Variants in TRIM72 observed in about 807,000 individuals in gnomAD.
TRIM72 encodes tripartite motif-containing protein 72.
Under a neutral mutation model 31.6 loss-of-function variants are expected in TRIM72, and 33 were observed. The ratio of observed to expected loss-of-function variants is 1.04; its 90% confidence interval spans 0.79 to 1.40. TRIM72 has a LOEUF of 1.40. TRIM72 is among the 40% of genes most tolerant of loss of function. TRIM72 has a pLI of 0.00. For synonymous variants in TRIM72, 301 were observed against 314.4 expected (o/e 0.96, Z 0.45); for missense variants, 666 against 682.7 (o/e 0.98, Z 0.27).
At position 31,226,708 on chromosome 16, in the gene TRIM72, C is replaced by A. The variant is rs1179866611; in HGVS notation, c.*1953C>A. On this transcript the variant is annotated 3_prime_UTR_variant, in exon 7 of 7. Transcript: ENST00000322122. ...CCTTCTTTGGTTTTAGCGCACAGGG[C>A]ATTTCTTGGGCTCTGGAGTAACCAC... 6.6e-6 allele frequency: 1 copy of A among 152,268 alleles called. No individual in the cohort carries two copies. Among genetic ancestry groups the A allele is most frequent in the Non-Finnish European group, 1.5e-5 (1 of 68,108 alleles). The allele number at this position is 152,268 out of a possible 1,614,324, so 9.4% of individuals were successfully genotyped here. A position where few individuals can be genotyped will look rare whatever the true frequency, so the allele number is the denominator to read the frequency against.
chr16:31,224,204 C>A lies in TRIM72; in HGVS notation c.883C>A (p.Pro295Thr), dbSNP rs534421116. 3 of 1,603,592 alleles carry A rather than the reference C, an allele frequency of 1.9e-6. No homozygotes were observed. Among genetic ancestry groups the A allele is most frequent in the Admixed American group, 3.3e-5 (2 of 60,012 alleles). Residue 295 changes from proline (P) to threonine (T), a missense_variant, in exon 7 of 7, where the codon CCG (proline) becomes ACG (threonine). Physicochemically the swap from Pro to Thr is conservative, Grantham distance 38. Coordinates refer to ENST00000322122, the MANE Select transcript of TRIM72 (RefSeq NM_001008274.4). ...AGCGCTGGAGGAGCTGACCTTTGAC[C>A]CGAGCTCTGCGCACCCGAGCCTGGT... is the stretch of plus-strand genomic sequence containing the variant. ...MPALEELTFD[P>T]SSAHPSLVVS... is the part of the protein sequence containing the mutation.
At chr16:31,223,907 A>T (rs186850818) in intron 6 of TRIM72, among the ~76,000 whole-genome samples, 192 of 152,270 alleles carry the variant, frequency 1.3e-3, no homozygotes, top group Admixed American at 2.2e-3. Context: ...CCCCGCCTCA[A>T]AAAAACAAAA....
intron 2 of TRIM72, 105 bp from the exon 3 acceptor site, chr16:31,218,990 G>C: frequency 9.6e-7 from 1 of 1,038,576 alleles, no homozygotes; most frequent in Non-Finnish European, 1.4e-6. Context: ...ATGGCTGGAG[G>C]AGGAGCTGGC....
Position 31,216,659 on chromosome 16 carries a change from A to G in TRIM72, c.390+1531A>G. 7.1e-7 allele frequency: 1 copy of G among 1,410,110 alleles called. No individual in the cohort carries two copies. Among genetic ancestry groups the G allele is most frequent in the Non-Finnish European group, 9.6e-7 (1 of 1,041,380 alleles). The allele number at this position is 1,410,110 out of a possible 1,614,324, so 87.3% of individuals were successfully genotyped here. ...GGGAGGACCCCAGGAGGGACCCTGA[A>G]GGAGGGGAACAGGAAGGCTCTGGGC... On this transcript the variant is annotated intron_variant, in intron 2 of 6. Coordinates refer to ENST00000322122, the MANE Select transcript of TRIM72 (RefSeq NM_001008274.4). The surrounding 1 kb of genome is among the most constrained non-coding windows in gnomAD (Gnocchi z 6.7).
At chr16:31,218,132 GTC>G in intron 2 of TRIM72, among the ~76,000 whole-genome samples, 1 of 152,186 alleles carries the variant, frequency 6.6e-6, no homozygotes, top group Non-Finnish European at 1.5e-5. Context: ...GTGCCTGCCT[GTC>G]TGGTGGGAGA....
intron 2 of TRIM72, chr16:31,217,198 T>A: frequency 1.4e-6 from 1 of 695,192 alleles, no homozygotes; most frequent in Non-Finnish European, 2.3e-6. Context: ...AAACACCGCC[T>A]AGAGGGTCCC....
chr16:31,225,649 T>G lies in TRIM72; in HGVS notation c.*894T>G, dbSNP rs1209466910. Reference sequence around the variant, plus strand: ...TCATTTCTTTTTTTTATTTCTTTTTTTTTTTTTTTTTTTTTTTTTTGAGAC... The same window carrying G: ...TCATTTCTTTTTTTTATTTCTTTTTGTTTTTTTTTTTTTTTTTTTTGAGAC... On this transcript the variant is annotated 3_prime_UTR_variant, in exon 7 of 7. Coordinates refer to ENST00000322122, the MANE Select transcript of TRIM72 (RefSeq NM_001008274.4). 1 of 113,120 alleles carries G rather than the reference T, an allele frequency of 8.8e-6. No individual in the cohort carries two copies. The highest frequency in any genetic ancestry group is 8.3e-5 in the Admixed American group (1 of 12,074). 7.0% of individuals were successfully genotyped at this position (113,120 alleles called of 1,614,324 possible).
rs1415355305 is a variant in TRIM72 at position 31,219,694 on chromosome 16, A to G, written c.717+175A>G. Among the ~76,000 whole-genome samples the G allele has an allele frequency of 6.6e-6, 1 of 152,204 alleles. No individual in the cohort carries two copies. Among genetic ancestry groups the G allele is most frequent in the Non-Finnish European group, 1.5e-5 (1 of 68,038 alleles). On this transcript the variant is annotated intron_variant, in intron 4 of 6. Coordinates refer to ENST00000322122, the MANE Select transcript of TRIM72 (RefSeq NM_001008274.4). This position sits in a 1 kb window ranked among gnomAD's most constrained non-coding sequence, Gnocchi z 4.2. Reference sequence around the variant, plus strand: ...TTTAGGTTGAGCACTGCATAAGGACATTGTATTAAGTGAGCACTATTCATA... The same window carrying G: ...TTTAGGTTGAGCACTGCATAAGGACGTTGTATTAAGTGAGCACTATTCATA...
Position 31,219,574 on chromosome 16 carries a change from A to T in TRIM72, c.717+55A>T. 3 of 1,486,460 alleles carry T rather than the reference A, an allele frequency of 2.0e-6. No individual in the cohort carries two copies. Among genetic ancestry groups the T allele is most frequent in the Non-Finnish European group, 2.7e-6 (3 of 1,091,794 alleles). The allele number at this position is 1,486,460 out of a possible 1,614,324, so 92.1% of individuals were successfully genotyped here. A position where few individuals can be genotyped will look rare whatever the true frequency, so the allele number is the denominator to read the frequency against. ...TCAGCCCCCTGCTCAGGGCCCAGAG[A>T]CCTCATCCCATTGTCAGATAGGCCC... On this transcript the variant is annotated intron_variant, in intron 4 of 6. Transcript: ENST00000322122. The surrounding 1 kb of genome is among the most constrained non-coding windows in gnomAD (Gnocchi z 4.2).
chr16:31,230,785 GT>G lies in TRIM72; in HGVS notation c.*6032del, dbSNP rs1192352814. The G allele has an allele frequency of 4.0e-5, 6 of 149,806 alleles. No individual in the cohort carries two copies. The highest frequency in any genetic ancestry group is 1.5e-4 in the African/African-American group (6 of 40,844). The allele number at this position is 149,806 out of a possible 1,614,324, so 9.3% of individuals were successfully genotyped here. A position where few individuals can be genotyped will look rare whatever the true frequency, so the allele number is the denominator to read the frequency against. On this transcript the variant is annotated 3_prime_UTR_variant, in exon 7 of 7. Transcript: ENST00000322122. ...TGTTCAGGGCTCAGTCTTTTTGGAT[GT>G]TAATCTGACCGGGCCAGTGCACCTA...
chr16:31,217,615 ATT>A (rs536702762), intron 2 of TRIM72, among the ~76,000 whole-genome samples: 34 of 137,138 alleles, frequency 2.5e-4, no homozygotes, highest in Admixed American at 6.6e-4. Flanking sequence ...TGCAGGGGAC[ATT>A]TTTTTTTTTT....
In TRIM72 at chr16:31,214,823, T is replaced by G. The variant is rs1233770552; in HGVS notation, c.85T>G (p.Cys29Gly). 1.3e-6 allele frequency: 2 copies of G among 1,564,704 alleles called. No individual in the cohort carries two copies. Among genetic ancestry groups the G allele is most frequent in the Non-Finnish European group, 1.7e-6 (2 of 1,165,282 alleles). ...GTTCGACGCGCCCGTGACAGCCGAG[T>G]GCGGCCACAGTTTCTGCCGCGCCTG... is the stretch of plus-strand genomic sequence containing the variant. Reference protein sequence around the residue: ...QLFDAPVTAECGHSFCRACLG... With the variant: ...QLFDAPVTAEGGHSFCRACLG... The change falls in exon 2 of 7, where the codon TGC becomes GGC. Residue 29 changes from cysteine (C) to glycine (G), a missense_variant. Transcript: ENST00000322122.
Position 31,224,215 on chromosome 16 carries a change from G to A in TRIM72, c.894G>A (p.Ala298=). 1.2e-6 allele frequency: 2 copies of A among 1,604,084 alleles called. No homozygotes were observed. Among genetic ancestry groups the A allele is most frequent in the Non-Finnish European group, 1.7e-6 (2 of 1,179,862 alleles). Residue 298 remains alanine, a synonymous_variant, in exon 7 of 7, where the codon GCG becomes GCA. Coordinates refer to ENST00000322122, the MANE Select transcript of TRIM72 (RefSeq NM_001008274.4). The part of the protein sequence containing the change: ...LEELTFDPSS[A]HPSLVVSSSG... The stretch of plus-strand genomic sequence containing the variant: ...AGCTGACCTTTGACCCGAGCTCTGC[G>A]CACCCGAGCCTGGTGGTGTCTTCCT...
At position 31,224,338 on chromosome 16, in the gene TRIM72, G is replaced by A. The variant is rs753329636; in HGVS notation, c.1017G>A (p.Gln339=). ...DKAVAVVAHQ[Q]LSEGEHYWEV... is the part of the protein sequence containing the mutation. ...CGGTGGCGGTGGTGGCGCACCAGCA[G>A]CTCTCCGAGGGCGAGCACTACTGGG... The change falls in exon 7 of 7, where the codon CAG becomes CAA. Residue 339 remains glutamine, a synonymous_variant. Transcript: ENST00000322122. 22 of 1,590,110 alleles carry A rather than the reference G, an allele frequency of 1.4e-5. No homozygotes were observed. Among genetic ancestry groups the A allele is most frequent in the Non-Finnish European group, 1.9e-5 (22 of 1,171,580 alleles).
intron 5 of TRIM72, among the ~76,000 whole-genome samples, chr16:31,222,482 C>CTTTCT (rs1555512076): frequency 5.1e-5 from 6 of 117,982 alleles, no homozygotes; most frequent in Non-Finnish European, 1.0e-4. Context: ...TCTTCTTCTT[C>CTTTCT]TTTTTTTTTT....
At position 31,215,005 on chromosome 16, in the gene TRIM72, C is replaced by T. The variant is rs866669655; in HGVS notation, c.267C>T (p.His89=). Residue 89 remains histidine, a synonymous_variant, in exon 2 of 7, where the codon CAC becomes CAT. Transcript: ENST00000322122. This position sits in a 1 kb window ranked among gnomAD's most constrained non-coding sequence, Gnocchi z 6.3. ...AQVPQGHCEE[H]LDPLSIYCEQ... The stretch of plus-strand genomic sequence containing the variant: ...TGCCGCAGGGCCACTGCGAGGAGCA[C>T]CTGGACCCGCTGAGCATCTACTGCG... The T allele has an allele frequency of 1.3e-5, 19 of 1,502,400 alleles. No individual in the cohort carries two copies. The Middle Eastern group carries it at 1.4e-3, about 111-fold the overall frequency. 93.1% of individuals were successfully genotyped at this position (1,502,400 alleles called of 1,614,324 possible). A position where few individuals can be genotyped will look rare whatever the true frequency, so the allele number is the denominator to read the frequency against.
intron 2 of TRIM72, among the ~76,000 whole-genome samples, chr16:31,218,893 T>C (rs1479627345): frequency 6.6e-6 from 1 of 151,562 alleles, no homozygotes; most frequent in African/African-American, 2.4e-5. Flanking sequence ...CGCACCAAAA[T>C]AGACAAGGGG....
In TRIM72 at chr16:31,224,926, C is replaced by A; in HGVS notation, c.*171C>A. ...GTGGGGTAGGACTGGCTTGGTGGCT[C>A]ATGCCTGTAATCCCAGCACTTTGGG... On this transcript the variant is annotated 3_prime_UTR_variant, in exon 7 of 7. Transcript: ENST00000322122. 1.6e-6 allele frequency: 1 copy of A among 642,604 alleles called. No homozygotes were observed. The highest frequency in any genetic ancestry group is 2.4e-6 in the Non-Finnish European group (1 of 420,020). The allele number at this position is 642,604 out of a possible 1,614,324, so 39.8% of individuals were successfully genotyped here.
In TRIM72 at chr16:31,222,824, C is replaced by CCCCCCCCCCAA; in HGVS notation, c.741-3_741-2insCCCCCCCCCAA. 1 of 1,398,298 alleles carries CCCCCCCCCCAA rather than the reference C, an allele frequency of 7.2e-7. No homozygotes were observed. The highest frequency in any genetic ancestry group is 1.4e-5 in the South Asian group (1 of 73,260). The allele number at this position is 1,398,298 out of a possible 1,614,324, so 86.6% of individuals were successfully genotyped here. Reference sequence around the variant, plus strand: ...TGCCTCCCCTTCCCCTCCCCACCCCCAGGCTGCAGAAGATCCTGGCAGAGT... The same window carrying CCCCCCCCCCAA: ...TGCCTCCCCTTCCCCTCCCCACCCCCCCCCCCCCCAAAGGCTGCAGAAGATCCTGGCAGAGT... On this transcript the variant is annotated splice_polypyrimidine_tract_variant and splice_region_variant and intron_variant, in intron 5 of 6. Transcript: ENST00000322122.
Sources: gnomAD v4.1 joint callset for allele counts (sites outside exome capture counted in the v4.1 genomes callset) on GRCh38, gnomAD v4.1.1 for gene constraint, Gnocchi (gnomAD v3.1) non-coding constraint, MANE v1.5 for transcripts, NCBI Gene and HGNC (gene_info 2026-07-23, HGNC 2026-07-21) for gene names.